Variants in ASAH1 observed in about 807,000 individuals in gnomAD.
ASAH1 encodes acid ceramidase.
Under a neutral mutation model 59.5 loss-of-function variants are expected in ASAH1, and 70 were observed. That is an observed-to-expected ratio of 1.18 (90% CI 0.97 to 1.43). The LOEUF (loss-of-function observed/expected upper bound fraction) is 1.43, where lower values mean the gene tolerates loss of function less well. Ranked by LOEUF, ASAH1 falls within the 40% of genes most tolerant of loss-of-function variation. The pLI is 0.00. For missense variants in ASAH1, 660 were observed against 482.5 expected (o/e 1.37, Z -3.45); for synonymous variants, 213 against 166.5 (o/e 1.28, Z -2.15).
At chr8:18,066,370 TAAAAGGGCA>T (rs1403246367) in intron 5 of ASAH1, 1 of 132,946 alleles carries the variant, frequency 7.5e-6, no homozygotes, top group African/African-American at 2.7e-5. Flanking sequence ...ATCTAATTTT[TAAAAGGGCA>T]AAAGACCTTC....
intron 3 of ASAH1, 85 bp from the exon 4 acceptor site, chr8:18,069,963 G>C: frequency 1.1e-6 from 1 of 897,642 alleles, no homozygotes; most frequent in Non-Finnish European, 1.8e-6. Context: ...GTAGCTAAAA[G>C]AGAGTGCTAT....
intron 10 of ASAH1, 25 bp downstream of exon 10, chr8:18,061,352 A>G: frequency 6.4e-7 from 1 of 1,564,308 alleles, no homozygotes; most frequent in Non-Finnish European, 8.8e-7. Flanking sequence ...TAAATATTTA[A>G]TAGTAAAGCA....
At chr8:18,070,546 A>C (rs1157200907) in intron 3 of ASAH1, among the ~76,000 whole-genome samples, 1 of 152,162 alleles carries the variant, frequency 6.6e-6, no homozygotes, top group Non-Finnish European at 1.5e-5. Flanking sequence ...AGCCTCCCAA[A>C]GTACTGGGAT....
intron 2 of ASAH1, 101 bp from the exon 3 acceptor site, chr8:18,071,491 C>T (rs1379341123): frequency 3.0e-5 from 24 of 806,790 alleles, no homozygotes; most frequent in Non-Finnish European, 4.6e-5. Flanking sequence ...GTCTTAACAG[C>T]AGTGTAGAAT....
Position 18,059,415 on chromosome 8 carries a change from G to GGT in ASAH1, c.965_966dup (p.Arg323ThrfsTer20). On this transcript the variant is annotated frameshift_variant, in exon 12 of 14. Coordinates refer to ENST00000637790, the MANE Select transcript of ASAH1 (RefSeq NM_177924.5). LOFTEE classifies it high-confidence loss of function. ...TCAAGGAAGAAGGGATGTTTCCAAC[G>GGT]GTCATAATTTGTTTGTACCACATAC... is the stretch of plus-strand genomic sequence containing the variant. The GGT allele has an allele frequency of 6.2e-7, 1 of 1,614,136 alleles. No homozygotes were observed. The highest frequency in any genetic ancestry group is 8.5e-7 in the Non-Finnish European group (1 of 1,180,040).
rs994742383 is a variant in ASAH1 at position 18,056,231 on chromosome 8, A to C, written c.*1303T>G. The C allele has an allele frequency of 6.6e-6, 1 of 152,220 alleles. No homozygotes were observed. Among genetic ancestry groups the C allele is most frequent in the African/African-American group, 2.4e-5 (1 of 41,454 alleles). 9.4% of individuals were successfully genotyped at this position (152,220 alleles called of 1,614,324 possible). ...CCTATCTGGGGGAAAAACTGCCTTT[A>C]AACACCTGCAAATTGGGTTGATAGT... On this transcript the variant is annotated 3_prime_UTR_variant, in exon 14 of 14. Coordinates refer to ENST00000637790, the MANE Select transcript of ASAH1 (RefSeq NM_177924.5).
At chr8:18,063,655 T>A (rs1799805185) in intron 6 of ASAH1, 1 of 170,378 alleles carries the variant, frequency 5.9e-6, no homozygotes, top group Admixed American at 6.1e-5. Context: ...AACTGTTTCT[T>A]CAAACAATAA....
intron 1 of ASAH1, among the ~76,000 whole-genome samples, chr8:18,080,226 G>A (rs1202892489): frequency 1.3e-5 from 2 of 152,216 alleles, no homozygotes; most frequent in African/African-American, 4.8e-5. Flanking sequence ...GACATACGCT[G>A]TTAACTAGTA....
In ASAH1 at chr8:18,057,357, A is replaced by C. The variant is rs140444569; in HGVS notation, c.*177T>G. The C allele has an allele frequency of 2.6e-5, 10 of 380,106 alleles. No homozygotes were observed. In the Admixed American group the frequency reaches 4.1e-4, roughly 16 times the overall value. 23.5% of individuals were successfully genotyped at this position (380,106 alleles called of 1,614,324 possible). On this transcript the variant is annotated 3_prime_UTR_variant, in exon 14 of 14. Coordinates refer to ENST00000637790, the MANE Select transcript of ASAH1 (RefSeq NM_177924.5). Reference sequence around the variant, plus strand: ...CTGTAAATAAGAAAAATCAACTGATAGGGGGAAAAAAAAAAGATCTGTCAT... The same window carrying C: ...CTGTAAATAAGAAAAATCAACTGATCGGGGGAAAAAAAAAAGATCTGTCAT...
At chr8:18,073,253 C>T (rs765653129) in intron 2 of ASAH1, 2 of 1,576,154 alleles carry the variant, frequency 1.3e-6, no homozygotes, top group South Asian at 1.1e-5. Context: ...AAAGAGTATC[C>T]ACCTTATAAC....
At chr8:18,072,298 G>A (rs1242865750) in intron 2 of ASAH1, among the ~76,000 whole-genome samples, 3 of 152,204 alleles carry the variant, frequency 2.0e-5, no homozygotes, top group Admixed American at 2.0e-4. Context: ...AATGATACCA[G>A]TCTCCTAAAT....
In ASAH1 at chr8:18,058,413, A is replaced by G. The variant is rs189345745; in HGVS notation, c.1098+422T>C. 225 of 166,354 alleles carry G rather than the reference A, an allele frequency of 1.4e-3. 1 individual carries two copies. The highest frequency in any genetic ancestry group is 5.0e-3 in the African/African-American group (207 of 41,738). 10.3% of individuals were successfully genotyped at this position (166,354 alleles called of 1,614,324 possible). On this transcript the variant is annotated intron_variant, in intron 13 of 13. Coordinates refer to ENST00000637790, the MANE Select transcript of ASAH1 (RefSeq NM_177924.5). Reference sequence around the variant, plus strand: ...ATAGGAAACTTTTTGCATTTTTTTAAAACTACAGTGTAGGGAAAAGATAAA... The same window carrying G: ...ATAGGAAACTTTTTGCATTTTTTTAGAACTACAGTGTAGGGAAAAGATAAA...
At position 18,057,630 on chromosome 8, in the gene ASAH1, GA is replaced by G. The variant is rs1416591031; in HGVS notation, c.1099-8del. On this transcript the variant is annotated splice_polypyrimidine_tract_variant and splice_region_variant and intron_variant, in intron 13 of 13. Coordinates refer to ENST00000637790, the MANE Select transcript of ASAH1 (RefSeq NM_177924.5). ...AGGTTGTGTATACGGTCAGCTGAAA[GA>G]AAAGTTATTTTTACTTTAAGGACGT... 1.9e-6 allele frequency: 3 copies of G among 1,590,956 alleles called. No homozygotes were observed. The highest frequency in any genetic ancestry group is 1.1e-5 in the South Asian group (1 of 90,458).
At position 18,084,090 on chromosome 8, in the gene ASAH1, C is replaced by A; in HGVS notation, c.-32G>T. 1 of 1,597,452 alleles carries A rather than the reference C, an allele frequency of 6.3e-7. No individual in the cohort carries two copies. Among genetic ancestry groups the A allele is most frequent in the Non-Finnish European group, 8.5e-7 (1 of 1,179,374 alleles). On this transcript the variant is annotated 5_prime_UTR_variant, in exon 1 of 14. Coordinates refer to ENST00000637790, the MANE Select transcript of ASAH1 (RefSeq NM_177924.5). The stretch of plus-strand genomic sequence containing the variant: ...AGCAGCCAACGCCACTCCCCGGACT[C>A]CAGCAGAGGCAAAGAAGAGCCGGCT...
intron 12 of ASAH1, 185 bp downstream of exon 12, chr8:18,059,151 AAAAGG>A (rs1799584202): frequency 1.1e-6 from 1 of 873,496 alleles, no homozygotes; most frequent in African/African-American, 1.7e-5. Context: ...TTAGAACCAG[AAAAGG>A]AAAGTACAGC....
intron 2 of ASAH1, among the ~76,000 whole-genome samples, chr8:18,074,195 C>T (rs3753118): frequency 0.7 from 105,978 of 152,064 alleles, 41,420 homozygotes; most frequent in Non-Finnish European, 0.9. Flanking sequence ...GAGACATAAT[C>T]AATCAGTAAG....
At chr8:18,084,628 G>A, upstream of ASAH1, 3 of 1,610,402 alleles carry the variant, frequency 1.9e-6, no homozygotes, top group African/African-American at 1.3e-5. Context: ...GCCGAGGAGT[G>A]AGAGAGAATC....
intron 12 of ASAH1, 90 bp downstream of exon 12, chr8:18,059,251 T>A (rs1389349390): frequency 6.3e-7 from 1 of 1,592,452 alleles, no homozygotes; most frequent in Non-Finnish European, 8.6e-7. Flanking sequence ...AGGACGTTTA[T>A]AAATTACTTG....
intron 5 of ASAH1, chr8:18,066,151 G>A (rs561953315): frequency 1.3e-5 from 2 of 151,710 alleles, no homozygotes; most frequent in African/African-American, 4.8e-5. Context: ...ATGACTTTGG[G>A]GTAGGCCAAG....
Sources: gnomAD v4.1 joint callset for allele counts (sites outside exome capture counted in the v4.1 genomes callset) on GRCh38, gnomAD v4.1.1 for gene constraint, MANE v1.5 for transcripts, NCBI Gene and HGNC (gene_info 2026-07-23, HGNC 2026-07-21) for gene names.